The following PPARGC1A variants were observed in gnomAD, a reference collection of about 807,000 sequenced individuals.
The protein encoded by PPARGC1A is peroxisome proliferator-activated receptor gamma coactivator 1-alpha.
A neutral mutation model predicts 88.7 loss-of-function variants in PPARGC1A; 25 were observed. The ratio of observed to expected loss-of-function variants is 0.28; its 90% CI spans 0.21 to 0.39. PPARGC1A has a LOEUF of 0.39. Among genes scored for constraint, PPARGC1A ranks in the 10% least tolerant of loss-of-function variants. PPARGC1A has a pLI of 1.00. For synonymous variants in PPARGC1A, 363 were observed against 355.6 expected, an observed-to-expected ratio of 1.02 and a Z score of -0.24; for missense variants, 880 against 968.7, an observed-to-expected ratio of 0.91 and a Z score of 1.22.
At chr4:23,822,215 C>A (rs1241701657) in intron 7 of PPARGC1A, among the ~76,000 whole-genome samples, 1 of 151,988 alleles carries the variant, frequency 6.6e-6, no homozygotes, top group Non-Finnish European at 1.5e-5. Context: ...ACAGTCCTTG[C>A]CAAATTCATT....
chr4:24,466,557 T>C, the PPARGC1A span, among the ~76,000 whole-genome samples: 2 of 152,216 alleles, frequency 1.3e-5, no homozygotes, highest in African/African-American at 4.8e-5. Context: ...TATGTTGTTA[T>C]GGAGATTAAA....
At chr4:23,923,116 G>GTTTTTTTTTTTT in the PPARGC1A span, among the ~76,000 whole-genome samples, 14 of 131,686 alleles carry the variant, frequency 1.1e-4, no homozygotes, top group South Asian at 2.3e-4. Context: ...TTTGTTGCTT[G>GTTTTTTTTTTTT]TTTTTTTTTT....
the PPARGC1A span, among the ~76,000 whole-genome samples, chr4:23,994,502 G>C: frequency 6.6e-6 from 1 of 152,128 alleles, no homozygotes; most frequent in Non-Finnish European, 1.5e-5. Flanking sequence ...GCAGAGAAGG[G>C]GGGGCGGTGA....
chr4:24,214,614 G>C, the PPARGC1A span, among the ~76,000 whole-genome samples: 1 of 152,126 alleles, frequency 6.6e-6, no homozygotes, highest in African/African-American at 2.4e-5. Context: ...AGAGTCCTCT[G>C]CACTTGCTCT....
At chr4:24,102,865 G>A in the PPARGC1A span, among the ~76,000 whole-genome samples, 4 of 152,252 alleles carry the variant, frequency 2.6e-5, no homozygotes, top group Admixed American at 6.5e-5. Flanking sequence ...AGCTAAAGCC[G>A]AGGCTGCCAT....
the PPARGC1A span, among the ~76,000 whole-genome samples, chr4:24,194,912 G>A: frequency 6.6e-6 from 1 of 152,178 alleles, no homozygotes. Context: ...AATATGGTTA[G>A]CTGTTGAGAT....
At chr4:24,126,497 G>C in the PPARGC1A span, among the ~76,000 whole-genome samples, 1 of 152,166 alleles carries the variant, frequency 6.6e-6, no homozygotes, top group African/African-American at 2.4e-5. Flanking sequence ...GCCCGTAGCA[G>C]GATGAGATAG....
At chr4:24,387,909 AG>A in the PPARGC1A span, among the ~76,000 whole-genome samples, 2 of 9,438 alleles carry the variant, frequency 2.1e-4, no homozygotes, top group Non-Finnish European at 6.5e-3. Flanking sequence ...AGAAAGAGAA[AG>A]AAAGAAAGAA....
chr4:24,069,466 G>C, the PPARGC1A span, among the ~76,000 whole-genome samples: 1 of 152,106 alleles, frequency 6.6e-6, no homozygotes, highest in Non-Finnish European at 1.5e-5. Context: ...TTCCTTCTTT[G>C]AAGTCACCTT....
chr4:24,077,400 A>C, the PPARGC1A span, among the ~76,000 whole-genome samples: 69 of 152,200 alleles, frequency 4.5e-4, no homozygotes, highest in South Asian at 0.014. Flanking sequence ...ATGAATGTCC[A>C]TTATTTTATT....
the PPARGC1A span, among the ~76,000 whole-genome samples, chr4:24,470,277 G>GACACACACACACACACACCC: frequency 9.0e-6 from 1 of 110,676 alleles, no homozygotes; most frequent in Non-Finnish European, 1.9e-5. The surrounding 1 kb of genome is among the most constrained non-coding windows in gnomAD (Gnocchi z 5.8). Flanking sequence ...GACAGACACA[G>GACACACACACACACACACCC]ACACACACAC....
At chr4:23,895,669 G>A (rs949188843) in intron 1 of PPARGC1A, among the ~76,000 whole-genome samples, 13 of 151,788 alleles carry the variant, frequency 8.6e-5, no homozygotes, top group African/African-American at 2.9e-4. Flanking sequence ...CAGCTCAATC[G>A]AAAAATAGAT....
the PPARGC1A span, among the ~76,000 whole-genome samples, chr4:24,003,573 C>A: frequency 6.6e-6 from 1 of 152,082 alleles, no homozygotes; most frequent in African/African-American, 2.4e-5. Context: ...ACCACACAGA[C>A]ATCTTCCCAG....
the PPARGC1A span, among the ~76,000 whole-genome samples, chr4:24,216,979 T>A: frequency 2.0e-5 from 3 of 152,200 alleles, no homozygotes; most frequent in Non-Finnish European, 4.4e-5. Flanking sequence ...TCAAAGCACC[T>A]GACACATAGT....
chr4:24,295,890 G>A, the PPARGC1A span, among the ~76,000 whole-genome samples: 8 of 150,806 alleles, frequency 5.3e-5, no homozygotes, highest in African/African-American at 1.2e-4. Flanking sequence ...GCCCAGCCTC[G>A]GTGCTAGGCC....
At chr4:24,081,207 T>C in the PPARGC1A span, among the ~76,000 whole-genome samples, 1 of 152,146 alleles carries the variant, frequency 6.6e-6, no homozygotes, top group South Asian at 2.1e-4. Context: ...CTATATCATG[T>C]AACCACTTGA....
chr4:24,030,209 G>A, the PPARGC1A span, among the ~76,000 whole-genome samples: 2 of 152,322 alleles, frequency 1.3e-5, no homozygotes, highest in East Asian at 3.9e-4. Context: ...TTTGCAATGA[G>A]TCAGAACTTT....
At chr4:24,342,797 T>C in the PPARGC1A span, among the ~76,000 whole-genome samples, 7 of 152,216 alleles carry the variant, frequency 4.6e-5, no homozygotes, top group Admixed American at 1.3e-4. Context: ...GGTTCTATCA[T>C]GGGCACCCAA....
the PPARGC1A span, among the ~76,000 whole-genome samples, chr4:24,065,884 G>A: frequency 6.6e-6 from 1 of 152,120 alleles, no homozygotes; most frequent in Non-Finnish European, 1.5e-5. Context: ...GCCCTTTAAA[G>A]GCAATGGAAG....
Sources: gnomAD v4.1 joint callset for allele counts (sites outside exome capture counted in the v4.1 genomes callset) on GRCh38, gnomAD v4.1.1 for gene constraint, Gnocchi (gnomAD v3.1) non-coding constraint, MANE v1.5 for transcripts, NCBI Gene and HGNC (gene_info 2026-07-23, HGNC 2026-07-21) for gene names.